CSPG5: variants seen among roughly 807,000 people sequenced by gnomAD.
CSPG5 encodes chondroitin sulfate proteoglycan 5, also known as acidic leucine-rich EGF-like domain-containing brain protein.
CSPG5 carries 25 observed loss-of-function variants against 39.8 expected under a neutral mutation model. The ratio of observed to expected loss-of-function variants is 0.63; its 90% CI spans 0.46 to 0.88. The LOEUF (loss-of-function observed/expected upper bound fraction) is 0.88. Among genes scored for constraint, CSPG5 ranks in the 40% least tolerant of loss-of-function variants. CSPG5 has a pLI of 0.00. For missense variants in CSPG5, 627 were observed against 702.2 expected (o/e 0.89, Z 1.21); for synonymous variants, 295 against 303.9 (o/e 0.97, Z 0.31).
chr3:47,565,345 C>G (rs539679118), intron 4 of CSPG5, among the ~76,000 whole-genome samples: 1 of 152,156 alleles, frequency 6.6e-6, no homozygotes, highest in Non-Finnish European at 1.5e-5. Context: ...ATGTCTACAC[C>G]AAGATGGGGC....
chr3:47,578,578 C>T lies in CSPG5; in HGVS notation c.97+19G>A, dbSNP rs1184124798. 4 of 1,031,052 alleles carry T rather than the reference C, an allele frequency of 3.9e-6. No homozygotes were observed. The highest frequency in any genetic ancestry group is 3.6e-6 in the Non-Finnish European group (3 of 824,524). The allele number at this position is 1,031,052 out of a possible 1,614,324, so 63.9% of individuals were successfully genotyped here. ...TGGGGCACGAGGGCCGCGGGGGTCC[C>T]GGGCGCAGTCATACCTACCCGGCAC... is the stretch of plus-strand genomic sequence containing the variant. On this transcript the variant is annotated intron_variant, in intron 1 of 4. Coordinates refer to ENST00000264723, the MANE Select transcript of CSPG5 (RefSeq NM_006574.4). The surrounding 1 kb of genome is among the most constrained non-coding windows in gnomAD (Gnocchi z 6.0).
At position 47,578,105 on chromosome 3, in the gene CSPG5, G is replaced by C; in HGVS notation, c.98-177C>G. 1 of 987,718 alleles carries C rather than the reference G, an allele frequency of 1.0e-6. No individual in the cohort carries two copies. Among genetic ancestry groups the C allele is most frequent in the Non-Finnish European group, 1.3e-6 (1 of 758,360 alleles). The allele number at this position is 987,718 out of a possible 1,614,324, so 61.2% of individuals were successfully genotyped here. The stretch of plus-strand genomic sequence containing the variant: ...ACCCGGTACCTCTAAGCCCCGTCCC[G>C]GAGTCTGCCCCCAAGACGAGGATCA... On this transcript the variant is annotated intron_variant, in intron 1 of 4. Coordinates refer to ENST00000264723, the MANE Select transcript of CSPG5 (RefSeq NM_006574.4). The surrounding 1 kb of genome is among the most constrained non-coding windows in gnomAD (Gnocchi z 6.0).
chr3:47,577,089 T>C lies in CSPG5; in HGVS notation c.937A>G (p.Thr313Ala), dbSNP rs773713041. The C allele has an allele frequency of 1.4e-5, 23 of 1,613,690 alleles. No individual in the cohort carries two copies. Among genetic ancestry groups the C allele is most frequent in the Non-Finnish European group, 1.9e-5 (22 of 1,180,030 alleles). ...PTGKPGLGPGTGQPTSRWHAV... is the reference protein window; with the variant it reads ...PTGKPGLGPGAGQPTSRWHAV... ...TGCCACCGACTGGTGGGCTGGCCTG[T>C]CCCGGGCCCCAGACCAGGCTTCCCA... is the stretch of plus-strand genomic sequence containing the variant. The change falls in exon 2 of 5, where the codon ACA (threonine) becomes GCA (alanine). Residue 313 changes from threonine (T) to alanine (A), a missense_variant. Coordinates refer to ENST00000264723, the MANE Select transcript of CSPG5 (RefSeq NM_006574.4). The surrounding 1 kb of genome is among the most constrained non-coding windows in gnomAD (Gnocchi z 4.7).
intron 3 of CSPG5, among the ~76,000 whole-genome samples, chr3:47,570,145 T>C (rs2031475949): frequency 6.6e-6 from 1 of 152,066 alleles, no homozygotes; most frequent in African/African-American, 2.4e-5. Flanking sequence ...GTGTGTTATA[T>C]AGGTATATGT....
intron 3 of CSPG5, among the ~76,000 whole-genome samples, chr3:47,571,594 C>T (rs956713918): frequency 3.3e-5 from 5 of 152,234 alleles, no homozygotes; most frequent in Non-Finnish European, 7.3e-5. Context: ...ACCAGCCCCG[C>T]GGCGGTTAGC....
Position 47,578,546 on chromosome 3 carries a change from C to T in CSPG5, c.97+51G>A. On this transcript the variant is annotated intron_variant, in intron 1 of 4. Coordinates refer to ENST00000264723, the MANE Select transcript of CSPG5 (RefSeq NM_006574.4). The surrounding 1 kb of genome is among the most constrained non-coding windows in gnomAD (Gnocchi z 6.0). ...GTCCCCGCCGCCAGCGGGACCCCTG[C>T]CCTGGGTGGGGCACGAGGGCCGCGG... 2 of 648,756 alleles carry T rather than the reference C, an allele frequency of 3.1e-6. No homozygotes were observed. The highest frequency in any genetic ancestry group is 7.1e-5 in the South Asian group (1 of 14,176). 40.2% of individuals were successfully genotyped at this position (648,756 alleles called of 1,614,324 possible).
At chr3:47,579,837 T>C (rs1419498600), upstream of CSPG5, 1 of 152,272 alleles carries the variant, frequency 6.6e-6, no homozygotes, top group African/African-American at 2.4e-5. The surrounding 1 kb of genome is among the most constrained non-coding windows in gnomAD (Gnocchi z 4.2). Flanking sequence ...CGCAACCTAG[T>C]TACTTAGTTT....
intron 4 of CSPG5, among the ~76,000 whole-genome samples, chr3:47,567,350 G>C (rs1459279244): frequency 6.6e-6 from 1 of 152,162 alleles, no homozygotes; most frequent in Non-Finnish European, 1.5e-5. Context: ...GTAACTGTGT[G>C]CATGTTACTG....
intron 4 of CSPG5, among the ~76,000 whole-genome samples, chr3:47,564,362 C>T (rs185032651): frequency 1.3e-5 from 2 of 152,290 alleles, no homozygotes; most frequent in African/African-American, 4.8e-5. Context: ...GACACCGGGG[C>T]ATCCATGAGT....
rs776188299 is a variant in CSPG5, at chr3:47,572,656, TG to T, written c.1382+29del. 1.9e-6 allele frequency: 3 copies of T among 1,597,754 alleles called. No individual in the cohort carries two copies. Among genetic ancestry groups the T allele is most frequent in the Non-Finnish European group, 2.6e-6 (3 of 1,166,508 alleles). On this transcript the variant is annotated intron_variant, in intron 3 of 4. Coordinates refer to ENST00000264723, the MANE Select transcript of CSPG5 (RefSeq NM_006574.4). The surrounding 1 kb of genome is among the most constrained non-coding windows in gnomAD (Gnocchi z 4.5). ...TCGGGGGGCCTCCCACACCCTGACC[TG>T]GGTGGATGGGTGAGTGACACAGACT...
rs1166697466 is a variant in CSPG5 at position 47,577,310 on chromosome 3, G to C, written c.716C>G (p.Pro239Arg). Residue 239 changes from proline to arginine, a missense_variant, in exon 2 of 5, where the codon CCT (proline) becomes CGT (arginine). Transcript: ENST00000264723. The surrounding 1 kb of genome is among the most constrained non-coding windows in gnomAD (Gnocchi z 4.7). ...PGSPGTSENHPDTEGETPSWS... is the reference protein window; with the variant it reads ...PGSPGTSENHRDTEGETPSWS... ...GGAAGGGGTCTCTCCCTCAGTATCA[G>C]GGTGGTTCTCTGAGGTTCCTGGTGA... 1.2e-6 allele frequency: 2 copies of C among 1,613,850 alleles called. No individual in the cohort carries two copies. Among genetic ancestry groups the C allele is most frequent in the East Asian group, 4.5e-5 (2 of 44,858 alleles).
Position 47,578,767 on chromosome 3 carries a change from C to A in CSPG5, c.-74G>T. On this transcript the variant is annotated 5_prime_UTR_variant, in exon 1 of 5. Transcript: ENST00000264723. This position sits in a 1 kb window ranked among gnomAD's most constrained non-coding sequence, Gnocchi z 6.0. ...CTCGGCTCGCCCGGCCGCCGCGCCT[C>A]CCGCCGGTTCTGCGGCCGCCTCAGC... 1 of 254,828 alleles carries A rather than the reference C, an allele frequency of 3.9e-6. No homozygotes were observed. The highest frequency in any genetic ancestry group is 6.1e-6 in the Non-Finnish European group (1 of 164,306). 15.8% of individuals were successfully genotyped at this position (254,828 alleles called of 1,614,324 possible).
chr3:47,574,951 C>T (rs1553667599), intron 2 of CSPG5, among the ~76,000 whole-genome samples: 1 of 151,794 alleles, frequency 6.6e-6, no homozygotes, highest in African/African-American at 2.4e-5. Flanking sequence ...AAAACAACAA[C>T]AACAAAAAAA....
chr3:47,564,113 AG>A (rs2031199250), intron 4 of CSPG5, among the ~76,000 whole-genome samples: 1 of 152,230 alleles, frequency 6.6e-6, no homozygotes, highest in South Asian at 2.1e-4. Flanking sequence ...GATGACAAGA[AG>A]GTAGAGAGTG....
chr3:47,578,008 C>A lies in CSPG5; in HGVS notation c.98-80G>T, dbSNP rs988862604. On this transcript the variant is annotated intron_variant, in intron 1 of 4. Coordinates refer to ENST00000264723, the MANE Select transcript of CSPG5 (RefSeq NM_006574.4). The surrounding 1 kb of genome is among the most constrained non-coding windows in gnomAD (Gnocchi z 6.0). ...GGAGCCCCGGCCCGCCCCGGTCAGG[C>A]CCGCTCGCCTAGACCTGGTCAACCC... 114 of 1,357,190 alleles carry A rather than the reference C, an allele frequency of 8.4e-5. No individual in the cohort carries two copies. The highest frequency in any genetic ancestry group is 1.0e-4 in the Non-Finnish European group (106 of 1,063,396). 84.1% of individuals were successfully genotyped at this position (1,357,190 alleles called of 1,614,324 possible).
intron 4 of CSPG5, 103 bp from the exon 5 acceptor site, chr3:47,562,864 G>C: frequency 8.1e-7 from 1 of 1,239,742 alleles, no homozygotes; most frequent in Non-Finnish European, 1.1e-6. Context: ...ACTGAAACAA[G>C]GAAAAAGCTC....
chr3:47,566,607 A>G (rs12496190), intron 4 of CSPG5, among the ~76,000 whole-genome samples: 145,925 of 152,266 alleles, frequency 0.96, 70,234 homozygotes, highest in East Asian at 1. Context: ...AGAGAGGAGA[A>G]GATGATGTCC....
chr3:47,564,752 T>C (rs56097859), intron 4 of CSPG5, among the ~76,000 whole-genome samples: 59 of 152,252 alleles, frequency 3.9e-4, no homozygotes, highest in African/African-American at 1.3e-3. Context: ...ATTTATGTTT[T>C]AAAAATATAG....
chr3:47,576,853 C>A lies in CSPG5; in HGVS notation c.1173G>T (p.Glu391Asp). The change falls in exon 2 of 5, where the codon GAG (glutamate) becomes GAT (aspartate). Residue 391 changes from glutamate to aspartate, a missense_variant. Transcript: ENST00000264723. ...CTTACCTGCAGAAGGCCCCTATGTT[C>A]TCCACCAGGTAGCACTGGCCGCCAT... ...CHNGGQCYLVENIGAFCRCNT... is the reference protein window; with the variant it reads ...CHNGGQCYLVDNIGAFCRCNT... The A allele has an allele frequency of 6.4e-7, 1 of 1,567,526 alleles. No individual in the cohort carries two copies. Among genetic ancestry groups the A allele is most frequent in the Non-Finnish European group, 8.7e-7 (1 of 1,154,844 alleles).
Sources: allele counts gnomAD v4.1 joint callset (sites outside exome capture counted in the v4.1 genomes callset), GRCh38; gene constraint gnomAD v4.1.1; non-coding constraint Gnocchi (gnomAD v3.1); transcripts MANE v1.5; gene names NCBI Gene and HGNC (gene_info 2026-07-23, HGNC 2026-07-21).